AGMO: variants seen among roughly 807,000 people sequenced by gnomAD.
AGMO encodes alkylglycerol monooxygenase, also known as glyceryl-ether monooxygenase.
In AGMO, 75 loss-of-function variants were observed where a neutral mutation model predicts 60.2. The observed-to-expected ratio is 1.25, with a 90% confidence interval of 1.03 to 1.51. AGMO has a LOEUF of 1.51. Ranked by LOEUF, AGMO falls within the 40% of genes most tolerant of loss-of-function variation. The pLI is 0.00. For synonymous variants in AGMO, 261 were observed against 177.1 expected, an observed-to-expected ratio of 1.47 and a Z score of -3.76; for missense variants, 763 against 525.5, an observed-to-expected ratio of 1.45 and a Z score of -4.42.
At chr7:15,387,041 G>A (rs897055631) in intron 9 of AGMO, among the ~76,000 whole-genome samples, 2 of 152,090 alleles carry the variant, frequency 1.3e-5, no homozygotes, top group African/African-American at 4.8e-5. Flanking sequence ...GTTTAGACTG[G>A]CTCATTCCTA....
At chr7:15,256,503 T>G (rs1005956839) in intron 12 of AGMO, among the ~76,000 whole-genome samples, 2 of 151,918 alleles carry the variant, frequency 1.3e-5, no homozygotes, top group Admixed American at 6.5e-5. Context: ...CCACGACGCC[T>G]GGTGTCGTGT....
At chr7:15,285,758 G>A (rs2128520247) in intron 12 of AGMO, among the ~76,000 whole-genome samples, 1 of 152,084 alleles carries the variant, frequency 6.6e-6, no homozygotes, top group African/African-American at 2.4e-5. Flanking sequence ...AACCTTAATA[G>A]CTAAAGCAAT....
At chr7:15,493,364 T>TACAC (rs1783125081) in intron 3 of AGMO, among the ~76,000 whole-genome samples, 1 of 28,952 alleles carries the variant, frequency 3.5e-5, no homozygotes. Context: ...CACACACACT[T>TACAC]CTTTTTTTTT....
At chr7:15,400,210 C>G (rs1784516978) in intron 5 of AGMO, among the ~76,000 whole-genome samples, 1 of 152,082 alleles carries the variant, frequency 6.6e-6, no homozygotes, top group African/African-American at 2.4e-5. Flanking sequence ...GATAAATCCC[C>G]CTTACTCCTC....
chr7:15,216,397 G>T (rs992388583), intron 12 of AGMO, among the ~76,000 whole-genome samples: 3 of 151,648 alleles, frequency 2.0e-5, no homozygotes, highest in Non-Finnish European at 4.4e-5. Flanking sequence ...CTTTTTCTAT[G>T]TTTTTTTTGT....
chr7:15,332,388 G>T (rs531623902), intron 12 of AGMO, among the ~76,000 whole-genome samples: 1 of 152,260 alleles, frequency 6.6e-6, no homozygotes, highest in African/African-American at 2.4e-5. Flanking sequence ...CTAAAGGTCT[G>T]TCTCGTCTGG....
chr7:15,169,130 T>C, the AGMO span, among the ~76,000 whole-genome samples: 1 of 152,202 alleles, frequency 6.6e-6, no homozygotes, highest in African/African-American at 2.4e-5. Flanking sequence ...GCTGACCTTC[T>C]TCACTAAGGG....
chr7:15,395,292 A>G (rs779767930), intron 5 of AGMO, among the ~76,000 whole-genome samples: 143 of 152,348 alleles, frequency 9.4e-4, no homozygotes, highest in Non-Finnish European at 1.7e-3. Context: ...TGACATTGAT[A>G]TGAATTTGAT....
chr7:15,340,883 T>A (rs1356030037), intron 12 of AGMO, among the ~76,000 whole-genome samples: 1 of 152,108 alleles, frequency 6.6e-6, no homozygotes, highest in African/African-American at 2.4e-5. Context: ...AGGGCCACCG[T>A]TCTCGAGACC....
intron 12 of AGMO, among the ~76,000 whole-genome samples, chr7:15,206,978 T>C (rs1380361362): frequency 6.6e-6 from 1 of 152,210 alleles, no homozygotes; most frequent in Non-Finnish European, 1.5e-5. Flanking sequence ...TCACGCATTA[T>C]TTCAGTTCCC....
chr7:15,320,468 T>C (rs1390094335), intron 12 of AGMO, among the ~76,000 whole-genome samples: 1 of 152,080 alleles, frequency 6.6e-6, no homozygotes, highest in African/African-American at 2.4e-5. Flanking sequence ...CTAAATTGAT[T>C]ATGATTAACT....
intron 3 of AGMO, among the ~76,000 whole-genome samples, chr7:15,520,801 A>C (rs1275946995): frequency 6.6e-6 from 1 of 152,194 alleles, no homozygotes; most frequent in African/African-American, 2.4e-5. Flanking sequence ...TAGAGAAGGA[A>C]GAGCAAACAA....
At chr7:15,353,723 G>A (rs1171098159) in intron 12 of AGMO, among the ~76,000 whole-genome samples, 1 of 152,120 alleles carries the variant, frequency 6.6e-6, no homozygotes, top group Non-Finnish European at 1.5e-5. Flanking sequence ...AACTGACAGT[G>A]AACAAATAGT....
intron 12 of AGMO, among the ~76,000 whole-genome samples, chr7:15,256,707 C>T (rs1175976717): frequency 1.3e-5 from 2 of 152,142 alleles, no homozygotes; most frequent in African/African-American, 4.8e-5. Flanking sequence ...GTTACAGTTG[C>T]CTACAGTGTT....
At chr7:15,513,608 C>T (rs1783734809) in intron 3 of AGMO, among the ~76,000 whole-genome samples, 1 of 152,160 alleles carries the variant, frequency 6.6e-6, no homozygotes, top group African/African-American at 2.4e-5. Context: ...TTTCTGCAGG[C>T]TTGCCAGTGG....
At chr7:15,381,819 C>T (rs1229467852) in intron 10 of AGMO, among the ~76,000 whole-genome samples, 1 of 152,156 alleles carries the variant, frequency 6.6e-6, no homozygotes, top group Non-Finnish European at 1.5e-5. Flanking sequence ...GGTAAGTATA[C>T]ACCATGGAAT....
chr7:15,246,750 C>T (rs1485632120), intron 12 of AGMO, among the ~76,000 whole-genome samples: 1 of 152,080 alleles, frequency 6.6e-6, no homozygotes, highest in African/African-American at 2.4e-5. Flanking sequence ...TTTAAACAGG[C>T]CTAAGATTCT....
chr7:15,435,943 C>G (rs1302740363), intron 3 of AGMO, among the ~76,000 whole-genome samples: 1 of 152,086 alleles, frequency 6.6e-6, no homozygotes, highest in Non-Finnish European at 1.5e-5. Flanking sequence ...GACATAAAGA[C>G]AAGTCTACAA....
intron 3 of AGMO, among the ~76,000 whole-genome samples, chr7:15,525,099 T>C (rs1784090414): frequency 6.6e-6 from 1 of 152,050 alleles, no homozygotes. Flanking sequence ...TTCATAATAC[T>C]CCCTTCCTTT....
Sources: gnomAD v4.1 joint callset for allele counts (sites outside exome capture counted in the v4.1 genomes callset) on GRCh38, gnomAD v4.1.1 for gene constraint, MANE v1.5 for transcripts, NCBI Gene and HGNC (gene_info 2026-07-23, HGNC 2026-07-21) for gene names.